The following DIAPH2 variants were observed in gnomAD, a reference collection of about 807,000 sequenced individuals.
DIAPH2 encodes the protein protein diaphanous homolog 2.
A neutral mutation model predicts 92.7 loss-of-function variants in DIAPH2; 35 were observed. The observed-to-expected ratio is 0.38, with a 90% CI of 0.29 to 0.50. DIAPH2 has a LOEUF of 0.50. DIAPH2 is among the 20% of genes least tolerant of loss of function. The pLI is 0.94. For missense variants in DIAPH2, 701 were observed against 819.5 expected, an observed-to-expected ratio of 0.86 and a Z score of 1.77; for synonymous variants, 301 against 280.4, an observed-to-expected ratio of 1.07 and a Z score of -0.73.
At chrX:96,930,916 G>A in intron 10 of DIAPH2, 73 bp downstream of exon 10, 1 of 1,058,647 alleles carries the variant, frequency 9.4e-7, no homozygotes, top group African/African-American at 1.9e-5. Flanking sequence ...AGTACTTGAA[G>A]CAGAGTAAAT....
chrX:96,989,107 T>C (rs1208055227), intron 17 of DIAPH2, among the ~76,000 whole-genome samples: 1 of 111,860 alleles, frequency 8.9e-6, no homozygotes, highest in Non-Finnish European at 1.9e-5. Flanking sequence ...CCCATAGAAA[T>C]AATATTCTCT....
At chrX:97,113,446 C>T (rs1044805644) in intron 20 of DIAPH2, among the ~76,000 whole-genome samples, 1 of 111,607 alleles carries the variant, frequency 9.0e-6, no homozygotes, top group African/African-American at 3.3e-5. Context: ...AAAAGTGAGT[C>T]ATAAGTGATG....
At chrX:97,030,985 G>A (rs1037442915) in intron 17 of DIAPH2, among the ~76,000 whole-genome samples, 8 of 111,564 alleles carry the variant, frequency 7.2e-5, no homozygotes, top group Non-Finnish European at 1.5e-4. Context: ...TTTGAGACTC[G>A]ATTTGATTTC....
chrX:97,293,607 T>C (rs1275812401), intron 23 of DIAPH2, among the ~76,000 whole-genome samples: 2 of 111,914 alleles, frequency 1.8e-5, no homozygotes, highest in Admixed American at 9.6e-5. Flanking sequence ...GATTTAGATA[T>C]TTGAAGGCCT....
intron 24 of DIAPH2, among the ~76,000 whole-genome samples, chrX:97,354,463 C>G (rs766448185): frequency 1.8e-5 from 2 of 111,335 alleles, no homozygotes; most frequent in Non-Finnish European, 3.8e-5. Context: ...ACCTCCACCC[C>G]CTGGGTTCAA....
intron 3 of DIAPH2, among the ~76,000 whole-genome samples, chrX:96,740,066 G>A (rs5949451): frequency 0.2 from 21,963 of 111,318 alleles, 1,612 homozygotes; most frequent in East Asian, 0.33. Flanking sequence ...AGGTATGACT[G>A]TACCTTGGAC....
At chrX:97,030,733 T>G (rs2066368022) in intron 17 of DIAPH2, among the ~76,000 whole-genome samples, 1 of 112,045 alleles carries the variant, frequency 8.9e-6, no homozygotes, top group African/African-American at 3.2e-5. Context: ...TAGTGTACTA[T>G]ACATATATAA....
chrX:97,046,765 AG>A (rs920783444), intron 17 of DIAPH2, among the ~76,000 whole-genome samples: 1 of 111,969 alleles, frequency 8.9e-6, no homozygotes, highest in Non-Finnish European at 1.9e-5. Context: ...TAAACTAGAC[AG>A]GGAGGCAAGT....
chrX:97,581,362 A>G (rs1199503150), intron 26 of DIAPH2, among the ~76,000 whole-genome samples: 1 of 49,923 alleles, frequency 2.0e-5, no homozygotes, highest in African/African-American at 5.7e-5. Flanking sequence ...AGATTCTGGT[A>G]TGATGTGTCT....
chrX:97,390,281 G>A (rs780647210), intron 25 of DIAPH2, among the ~76,000 whole-genome samples: 11 of 88,377 alleles, frequency 1.2e-4, no homozygotes, highest in African/African-American at 3.0e-4. Context: ...GTGCAGTGGC[G>A]CAGTCTTGTC....
intron 17 of DIAPH2, among the ~76,000 whole-genome samples, chrX:96,988,128 G>A (rs907575991): frequency 6.4e-5 from 7 of 109,448 alleles, no homozygotes; most frequent in African/African-American, 2.0e-4. Flanking sequence ...CCAGATGCTA[G>A]TCTAGGCCTT....
chrX:97,072,938 C>T lies in DIAPH2; in HGVS notation c.2051-3C>T. 8.6e-7 allele frequency: 1 copy of T among 1,167,501 alleles called. No individual in the cohort carries two copies. Among genetic ancestry groups the T allele is most frequent in the South Asian group, 1.9e-5 (1 of 52,106 alleles). ...GTTTATGAATCAACATTTTTTCTTTCAGTTCAAAAGAACGCAGAAGCATTA... is the reference window on the plus strand; with the variant it reads ...GTTTATGAATCAACATTTTTTCTTTTAGTTCAAAAGAACGCAGAAGCATTA... On this transcript the variant is annotated splice_region_variant and splice_polypyrimidine_tract_variant and intron_variant, in intron 17 of 26. Coordinates refer to ENST00000324765, the MANE Select transcript of DIAPH2 (RefSeq NM_006729.5).
In DIAPH2 at chrX:97,232,185, C is replaced by T. The variant is rs769034384; in HGVS notation, c.2720-15530C>T. On this transcript the variant is annotated intron_variant, in intron 22 of 26. Coordinates refer to ENST00000324765, the MANE Select transcript of DIAPH2 (RefSeq NM_006729.5). ...ATCCTCACATAGCCCTTGCCTCTGG[C>T]GCCTGTTTTTCTGTTGCCCTCATTA... Among the ~76,000 whole-genome samples, 4 of 110,835 alleles carry T rather than the reference C, an allele frequency of 3.6e-5. No individual in the cohort carries two copies. The South Asian group carries it at 1.2e-3, about 33-fold the overall frequency.
At chrX:96,707,027 G>T (rs1005799744) in intron 1 of DIAPH2, among the ~76,000 whole-genome samples, 1 of 110,185 alleles carries the variant, frequency 9.1e-6, no homozygotes, top group African/African-American at 3.3e-5. Flanking sequence ...AGGTGGGCAC[G>T]GTGACTCAAG....
chrX:97,572,954 G>A (rs1368684763), intron 26 of DIAPH2, among the ~76,000 whole-genome samples: 1 of 111,867 alleles, frequency 8.9e-6, no homozygotes, highest in African/African-American at 3.2e-5. Context: ...ATGGATCTTG[G>A]CCCTGCCCTA....
intron 4 of DIAPH2, among the ~76,000 whole-genome samples, chrX:96,843,890 G>T (rs1056136214): frequency 9.0e-6 from 1 of 111,700 alleles, no homozygotes; most frequent in African/African-American, 3.3e-5. Flanking sequence ...TTAGTAATTA[G>T]CATATCAATT....
At chrX:97,159,825 C>G (rs1427719140) in intron 22 of DIAPH2, among the ~76,000 whole-genome samples, 1 of 110,521 alleles carries the variant, frequency 9.0e-6, no homozygotes, top group Non-Finnish European at 1.9e-5. Context: ...AATAAATTAC[C>G]TATAATTTCT....
intron 23 of DIAPH2, among the ~76,000 whole-genome samples, chrX:97,311,855 G>A (rs1225665683): frequency 1.9e-4 from 21 of 110,340 alleles, no homozygotes. Context: ...GGAGGACAGA[G>A]TCTCGCCTGT....
intron 1 of DIAPH2, among the ~76,000 whole-genome samples, chrX:96,698,158 C>T (rs1359557022): frequency 1.8e-5 from 2 of 112,028 alleles, no homozygotes; most frequent in East Asian, 2.8e-4. Context: ...TGTACGTCAG[C>T]CTTGCAGAGA....
Sources: gnomAD v4.1 joint callset for allele counts (sites outside exome capture counted in the v4.1 genomes callset) on GRCh38, gnomAD v4.1.1 for gene constraint, MANE v1.5 for transcripts, NCBI Gene and HGNC (gene_info 2026-07-23, HGNC 2026-07-21) for gene names.